The following CFAP47 variants were observed in gnomAD, a reference collection of about 807,000 sequenced individuals.
CFAP47 encodes cilia and flagella associated protein 47.
Under a neutral mutation model 148.1 loss-of-function variants are expected in CFAP47, and 29 were observed. The ratio of observed to expected loss-of-function variants is 0.20; its 90% CI spans 0.15 to 0.27. CFAP47 has a LOEUF of 0.27. CFAP47 is among the 10% of genes least tolerant of loss of function. CFAP47 has a pLI of 1.00. For synonymous variants in CFAP47, 664 were observed against 577.3 expected (o/e 1.15, Z -2.15); for missense variants, 1,872 against 1,697.5 (o/e 1.10, Z -1.81).
chrX:36,273,537 G>A (rs1195855713), intron 49 of CFAP47, among the ~76,000 whole-genome samples: 1 of 110,829 alleles, frequency 9.0e-6, no homozygotes, highest in African/African-American at 3.3e-5. Context: ...TTTTACCAAA[G>A]CAGTCTAATA....
chrX:36,249,929 T>C (rs1364490695), intron 48 of CFAP47, among the ~76,000 whole-genome samples: 4 of 111,342 alleles, frequency 3.6e-5, no homozygotes, highest in Non-Finnish European at 5.7e-5. Context: ...GTGTTGGTGA[T>C]GATGTGGATA....
At position 36,031,513 on chromosome X, in the gene CFAP47, A is replaced by C. The variant is rs184963313; in HGVS notation, c.3651+166A>C. Among the ~76,000 whole-genome samples, 599 of 110,489 alleles carry C rather than the reference A, an allele frequency of 5.4e-3. 6 individuals carry two copies. Among genetic ancestry groups the C allele is most frequent in the African/African-American group, 0.019 (574 of 30,638 alleles). ...GCAAGAATACCGGCATTTTTTAGAA[A>C]ACTTACAGATAAAATTTCTCAGGAG... On this transcript the variant is annotated intron_variant, in intron 23 of 63. Coordinates refer to ENST00000378653, the MANE Select transcript of CFAP47 (RefSeq NM_001304548.2).
intron 22 of CFAP47, among the ~76,000 whole-genome samples, chrX:36,027,846 C>G (rs1189820913): frequency 9.0e-6 from 1 of 111,313 alleles, no homozygotes; most frequent in Non-Finnish European, 1.9e-5. Flanking sequence ...TTAATAGTAG[C>G]CTTTCTGACT....
chrX:36,183,981 A>T (rs982606003), intron 40 of CFAP47, among the ~76,000 whole-genome samples: 2 of 110,841 alleles, frequency 1.8e-5, no homozygotes, highest in Non-Finnish European at 3.8e-5. Context: ...TTAAGTGGCA[A>T]CTCAGGCACT....
At chrX:35,928,039 T>C (rs1388419384) in intron 2 of CFAP47, among the ~76,000 whole-genome samples, 1 of 107,661 alleles carries the variant, frequency 9.3e-6, no homozygotes, top group Admixed American at 1.0e-4. Flanking sequence ...CACAATTTGT[T>C]TAACAATTGA....
intron 19 of CFAP47, 131 bp downstream of exon 19, chrX:35,997,520 AG>A (rs1301264832): frequency 4.2e-6 from 1 of 237,765 alleles, no homozygotes; most frequent in Non-Finnish European, 7.5e-6. Flanking sequence ...CTATATACAA[AG>A]TTAAAAATTA....
chrX:35,933,419 A>T (rs2146622504), intron 2 of CFAP47, among the ~76,000 whole-genome samples: 1 of 112,184 alleles, frequency 8.9e-6, no homozygotes, highest in African/African-American at 3.2e-5. Flanking sequence ...ATGGCTAAAT[A>T]GTACTTCATC....
chrX:35,932,263 TC>T (rs1302372315), intron 2 of CFAP47, among the ~76,000 whole-genome samples: 2,721 of 104,653 alleles, frequency 0.026, 109 homozygotes, highest in African/African-American at 0.092. Flanking sequence ...TTTCTTTCTT[TC>T]TTTTTTTTTT....
At chrX:36,109,632 C>T (rs1339235101) in intron 33 of CFAP47, among the ~76,000 whole-genome samples, 6 of 110,692 alleles carry the variant, frequency 5.4e-5, no homozygotes, top group Admixed American at 1.9e-4. Flanking sequence ...CACGCTACCA[C>T]GCCCAGCTAA....
intron 29 of CFAP47, among the ~76,000 whole-genome samples, chrX:36,078,381 G>T (rs1937907191): frequency 1.8e-5 from 2 of 111,338 alleles, no homozygotes; most frequent in South Asian, 3.8e-4. Flanking sequence ...ATGAATCTGG[G>T]TGCTCCTGTA....
intron 10 of CFAP47, 51 bp from the exon 11 acceptor site, chrX:35,970,717 A>C: frequency 9.9e-7 from 1 of 1,012,771 alleles, no homozygotes; most frequent in Non-Finnish European, 1.3e-6. Flanking sequence ...GTAAATACTG[A>C]TTGAACAAAT....
intron 22 of CFAP47, among the ~76,000 whole-genome samples, chrX:36,019,859 A>C (rs370753957): frequency 1.8e-5 from 2 of 111,659 alleles, no homozygotes; most frequent in East Asian, 5.6e-4. Flanking sequence ...AGGTTTGTCA[A>C]TTTTGTTTAA....
intron 45 of CFAP47, among the ~76,000 whole-genome samples, chrX:36,205,706 G>A (rs1278968547): frequency 1.8e-5 from 2 of 111,600 alleles, no homozygotes; most frequent in East Asian, 5.6e-4. Context: ...CAAGTGATAA[G>A]ACATAAACAA....
At chrX:36,356,631 T>A (rs1941788362) in intron 60 of CFAP47, among the ~76,000 whole-genome samples, 1 of 110,965 alleles carries the variant, frequency 9.0e-6, no homozygotes, top group Non-Finnish European at 1.9e-5. Flanking sequence ...ACTACTTTAG[T>A]CTTTAGTATA....
rs1556024951 is a variant in CFAP47, at chrX:36,385,009, T to A, written c.*3T>A. On this transcript the variant is annotated 3_prime_UTR_variant, in exon 64 of 64. Coordinates refer to ENST00000378653, the MANE Select transcript of CFAP47 (RefSeq NM_001304548.2). ...CTCCTTTGGTGAAGAATCAATAAAA[T>A]TTTTTTCCAAAATATTTCTTGGTCT... is the stretch of plus-strand genomic sequence containing the variant. 2 of 1,127,726 alleles carry A rather than the reference T, an allele frequency of 1.8e-6. No individual in the cohort carries two copies. Among genetic ancestry groups the A allele is most frequent in the African/African-American group, 1.8e-5 (1 of 54,759 alleles). The allele number at this position is 1,127,726 out of a possible 1,213,427, so 92.9% of individuals were successfully genotyped here. A position where few individuals can be genotyped will look rare whatever the true frequency, so the allele number is the denominator to read the frequency against.
intron 1 of CFAP47, among the ~76,000 whole-genome samples, chrX:35,924,366 T>TA (rs1253820233): frequency 9.4e-6 from 1 of 106,074 alleles, no homozygotes; most frequent in East Asian, 3.0e-4. Context: ...TATATATGTA[T>TA]ATGTGCATAT....
intron 33 of CFAP47, among the ~76,000 whole-genome samples, chrX:36,122,627 C>A (rs1938765985): frequency 9.0e-6 from 1 of 111,690 alleles, no homozygotes; most frequent in Non-Finnish European, 1.9e-5. Context: ...TATGTTTCAG[C>A]TCCAGAATTC....
In CFAP47 at chrX:36,167,069, C is replaced by A. The variant is rs897606324; in HGVS notation, c.6026+6300C>A. ...AATCATTGTTTAAGATTTTTTCTGA[C>A]TCCAGGAGGACTTCTAGCAGTCTCC... On this transcript the variant is annotated intron_variant, in intron 39 of 63. Transcript: ENST00000378653. Among the ~76,000 whole-genome samples, 3 of 111,703 alleles carry A rather than the reference C, an allele frequency of 2.7e-5. No individual in the cohort carries two copies. In the Admixed American group the frequency reaches 2.9e-4, roughly 11 times the overall value.
At chrX:35,963,054 T>G (rs769415284) in intron 8 of CFAP47, among the ~76,000 whole-genome samples, 2 of 109,090 alleles carry the variant, frequency 1.8e-5, no homozygotes, top group Admixed American at 2.0e-4. Context: ...GAGGATGTTA[T>G]GCTAAGTGAA....
Sources: gnomAD v4.1 joint callset for allele counts (sites outside exome capture counted in the v4.1 genomes callset) on GRCh38, gnomAD v4.1.1 for gene constraint, MANE v1.5 for transcripts, NCBI Gene and HGNC (gene_info 2026-07-23, HGNC 2026-07-21) for gene names.